The following AP3S2 variants were observed in gnomAD, a reference collection of about 807,000 sequenced individuals.
The protein encoded by AP3S2 is adaptor related protein complex 3 subunit sigma 2, also known as AP-3 complex subunit sigma-2.
Under a neutral mutation model 23.4 loss-of-function variants are expected in AP3S2, and 22 were observed. That is an observed-to-expected ratio of 0.94 (90% confidence interval 0.67 to 1.34). The LOEUF (loss-of-function observed/expected upper bound fraction) is 1.34, where lower values mean the gene tolerates loss of function less well. Among genes scored for constraint, AP3S2 ranks in the 40% most tolerant of loss-of-function variants. The pLI, the probability that AP3S2 is intolerant of heterozygous loss-of-function variation, is 0.00. For missense variants in AP3S2, 241 were observed against 236.9 expected, an observed-to-expected ratio of 1.02 and a Z score of -0.11; for synonymous variants, 86 against 87.1, an observed-to-expected ratio of 0.99 and a Z score of 0.07.
chr15:89,864,406 G>C (rs1328749304), intron 4 of AP3S2, among the ~76,000 whole-genome samples: 2 of 152,134 alleles, frequency 1.3e-5, no homozygotes, highest in African/African-American at 4.8e-5. Flanking sequence ...TTAGTAGGAA[G>C]AGAAAGGAAG....
At chr15:89,867,887 T>G (rs1290226559) in intron 4 of AP3S2, among the ~76,000 whole-genome samples, 2 of 126,118 alleles carry the variant, frequency 1.6e-5, no homozygotes, top group African/African-American at 5.6e-5. Flanking sequence ...GAGGAGCGGC[T>G]CCGCCCGGCA....
intron 4 of AP3S2, among the ~76,000 whole-genome samples, chr15:89,866,488 T>TC (rs937344608): frequency 7.3e-6 from 1 of 136,684 alleles, no homozygotes; most frequent in East Asian, 2.1e-4. Flanking sequence ...GACAACTTCC[T>TC]TTTTTTTTTT....
chr15:89,837,924 C>A, intron 4 of AP3S2: 1 of 523,802 alleles, frequency 1.9e-6, no homozygotes, highest in Non-Finnish European at 3.4e-6. Flanking sequence ...AATCTCTCCC[C>A]TCAGCAGCGA....
At chr15:89,868,820 G>T (rs1227392321) in intron 4 of AP3S2, among the ~76,000 whole-genome samples, 2 of 111,860 alleles carry the variant, frequency 1.8e-5, no homozygotes, top group African/African-American at 8.4e-5. Context: ...GGAGGGAGGT[G>T]GGGGGGTCAG....
chr15:89,867,043 C>A lies in AP3S2; in HGVS notation c.345+4432G>T, dbSNP rs1234807155. The stretch of plus-strand genomic sequence containing the variant: ...CCCTCCCCCTCTCCCTCTCCCTCTC[C>A]CTCTCCCCACGGTCTCCCTCTCATG... On this transcript the variant is annotated intron_variant, in intron 4 of 5. Transcript: ENST00000336418. 5.1e-5 allele frequency among the ~76,000 whole-genome samples: 7 copies of A among 136,126 alleles called. No individual in the cohort carries two copies. The East Asian group carries it at 1.7e-3, about 32-fold the overall frequency. The allele number at this position is 136,126 out of a possible 152,430, so 89.3% of individuals were successfully genotyped here.
rs150675415 is a variant in AP3S2, at chr15:89,864,811, G to A, written c.345+6664C>T. 3.8e-3 allele frequency among the ~76,000 whole-genome samples: 574 copies of A among 152,158 alleles called. 2 individuals carry two copies. Among genetic ancestry groups the A allele is most frequent in the African/African-American group, 0.013 (520 of 41,500 alleles). On this transcript the variant is annotated intron_variant, in intron 4 of 5. Transcript: ENST00000336418. ...CTCGCCTCAGCCTCCCAAAGTGCTG[G>A]GATTATAGGCATTAGCCACTGTGCC... is the stretch of plus-strand genomic sequence containing the variant.
chr15:89,872,525 A>G (rs1896345125), intron 3 of AP3S2, among the ~76,000 whole-genome samples: 1 of 152,208 alleles, frequency 6.6e-6, no homozygotes, highest in Non-Finnish European at 1.5e-5. Context: ...ATCTATCTAT[A>G]ACTGTTTAAT....
chr15:89,838,412 C>T (rs1326127559), intron 4 of AP3S2, among the ~76,000 whole-genome samples: 4 of 152,152 alleles, frequency 2.6e-5, no homozygotes, highest in East Asian at 3.8e-4. Context: ...CACATTTGGG[C>T]TTAGGTTCCA....
intron 4 of AP3S2, among the ~76,000 whole-genome samples, chr15:89,859,233 CTT>C (rs1265327598): frequency 6.7e-6 from 1 of 148,956 alleles, no homozygotes; most frequent in Non-Finnish European, 1.5e-5. Flanking sequence ...TTCTTTCCTT[CTT>C]TCTTTCTTTT....
rs187640549 is a variant in AP3S2 at position 89,844,969 on chromosome 15, G to C, written c.346-7247C>G. On this transcript the variant is annotated intron_variant, in intron 4 of 5. Transcript: ENST00000336418. Reference sequence around the variant, plus strand: ...TTGCCCAGCTGGAGTGCAGTGGCACGATCTCGGCTCACTGCAGCCTCTGTC... The same window carrying C: ...TTGCCCAGCTGGAGTGCAGTGGCACCATCTCGGCTCACTGCAGCCTCTGTC... Among the ~76,000 whole-genome samples the C allele has an allele frequency of 4.9e-4, 75 of 151,860 alleles. 2 individuals carry two copies. The highest frequency in any genetic ancestry group is 4.2e-3 in the Admixed American group (64 of 15,242).
chr15:89,865,319 T>G (rs1028283367), intron 4 of AP3S2: 3 of 152,112 alleles, frequency 2.0e-5, no homozygotes, highest in Non-Finnish European at 2.9e-5. Context: ...CCACTCACAC[T>G]TCATTAGCTA....
At chr15:89,865,838 T>C (rs8030258) in intron 4 of AP3S2, 36,578 of 152,180 alleles carry the variant, frequency 0.24, 4,953 homozygotes, top group South Asian at 0.34. Flanking sequence ...GATAAATTCA[T>C]ATAATGAAAT....
chr15:89,878,311 CA>C, intron 3 of AP3S2: 1 of 649,230 alleles, frequency 1.5e-6, no homozygotes. Context: ...CTACATAAAG[CA>C]AAAAGACCAA....
intron 4 of AP3S2, among the ~76,000 whole-genome samples, chr15:89,855,695 A>AT (rs1895813937): frequency 7.1e-6 from 1 of 140,090 alleles, no homozygotes; most frequent in Non-Finnish European, 1.5e-5. Flanking sequence ...CTAAAAATAA[A>AT]AAAAATTAGC....
chr15:89,860,815 G>C (rs1596202740), intron 4 of AP3S2, among the ~76,000 whole-genome samples: 1 of 152,184 alleles, frequency 6.6e-6, no homozygotes, highest in African/African-American at 2.4e-5. Flanking sequence ...GCTGGTCTCA[G>C]CTCTCTTCTT....
At chr15:89,885,513 T>C (rs1445691432) in intron 3 of AP3S2, among the ~76,000 whole-genome samples, 1 of 152,212 alleles carries the variant, frequency 6.6e-6, no homozygotes, top group East Asian at 1.9e-4. Context: ...AGAGCAGTTA[T>C]TTTTGTAGTC....
intron 4 of AP3S2, among the ~76,000 whole-genome samples, chr15:89,855,047 C>T (rs1895791223): frequency 7.1e-6 from 1 of 140,458 alleles, no homozygotes; most frequent in Non-Finnish European, 1.5e-5. Context: ...TCATTGAGAA[C>T]GGGCCAGGAT....
intron 3 of AP3S2, among the ~76,000 whole-genome samples, chr15:89,884,668 GAT>G (rs1491321835): frequency 6.9e-6 from 1 of 145,000 alleles, no homozygotes; most frequent in Non-Finnish European, 1.5e-5. Context: ...TTTTTTTTGA[GAT>G]AGAGTCTCAC....
At position 89,840,895 on chromosome 15, in the gene AP3S2, CTA is replaced by C. The variant is rs546052760; in HGVS notation, c.346-3175_346-3174del. On this transcript the variant is annotated intron_variant, in intron 4 of 5. Transcript: ENST00000336418. ...AGAATCCCAAACTATGTCTTCCACTCTATTCATCCCTGACCCCTAGTCCACAT... is the reference window on the plus strand; with the variant it reads ...AGAATCCCAAACTATGTCTTCCACTCTTCATCCCTGACCCCTAGTCCACAT... 2.4e-3 allele frequency among the ~76,000 whole-genome samples: 371 copies of C among 152,326 alleles called. 1 individual carries two copies. The Middle Eastern group carries it at 0.027, about 11-fold the overall frequency.
Sources: allele counts gnomAD v4.1 joint callset (sites outside exome capture counted in the v4.1 genomes callset), GRCh38; gene constraint gnomAD v4.1.1; transcripts MANE v1.5; gene names NCBI Gene and HGNC (gene_info 2026-07-23, HGNC 2026-07-21).